Variants in CACNA1A observed in about 807,000 individuals in gnomAD.
The protein encoded by CACNA1A is calcium voltage-gated channel subunit alpha1 A, also known as voltage-dependent P/Q-type calcium channel subunit alpha-1A.
A neutral mutation model predicts 262.4 loss-of-function variants in CACNA1A; 57 were observed. The observed-to-expected ratio is 0.22, with a 90% CI of 0.18 to 0.27. The LOEUF (loss-of-function observed/expected upper bound fraction) is 0.27. CACNA1A is among the 10% of genes least tolerant of loss of function. CACNA1A has a pLI of 1.00. For synonymous variants in CACNA1A, 1,431 were observed against 1,419.3 expected (o/e 1.01, Z -0.18); for missense variants, 2,526 against 3,562.8 (o/e 0.71, Z 7.41).
chr19:13,275,553 G>A (rs2057125008), intron 24 of CACNA1A: 11 of 430,248 alleles, frequency 2.6e-5, no homozygotes, highest in South Asian at 7.4e-5. Flanking sequence ...GAGATGTTCC[G>A]GCGAGGCTAG....
At chr19:13,488,997 TCTTTTC>T (rs1568698289) in intron 1 of CACNA1A, among the ~76,000 whole-genome samples, 92 of 143,398 alleles carry the variant, frequency 6.4e-4, no homozygotes, top group African/African-American at 2.5e-3. Context: ...TAATTTCTTT[TCTTTTC>T]TTTTTTTTTT....
intron 5 of CACNA1A, chr19:13,363,803 G>C (rs537079603): frequency 6.6e-6 from 1 of 152,324 alleles, no homozygotes; most frequent in South Asian, 2.1e-4. Flanking sequence ...CAGCTCCCTT[G>C]ACCCAAATCA....
At chr19:13,392,085 T>G (rs1445524578) in intron 3 of CACNA1A, among the ~76,000 whole-genome samples, 6 of 150,110 alleles carry the variant, frequency 4.0e-5, no homozygotes, top group African/African-American at 1.5e-4. Context: ...ACGTTGCATG[T>G]CTGTGGTCCC....
intron 3 of CACNA1A, among the ~76,000 whole-genome samples, chr19:13,412,078 GAT>G (rs1356460780): frequency 6.6e-6 from 1 of 151,910 alleles, no homozygotes; most frequent in Non-Finnish European, 1.5e-5. Flanking sequence ...AGTCAACACA[GAT>G]AGTGAAACCA....
Position 13,207,076 on chromosome 19 carries a change from T to G in CACNA1A, c.*237A>C. 1.1e-5 allele frequency: 3 copies of G among 273,448 alleles called. No individual in the cohort carries two copies. The highest frequency in any genetic ancestry group is 2.0e-5 in the Non-Finnish European group (3 of 147,928). 16.9% of individuals were successfully genotyped at this position (273,448 alleles called of 1,614,324 possible). A position where few individuals can be genotyped will look rare whatever the true frequency, so the allele number is the denominator to read the frequency against. On this transcript the variant is annotated 3_prime_UTR_variant, in exon 47 of 47. Transcript: ENST00000360228. The surrounding 1 kb of genome is among the most constrained non-coding windows in gnomAD (Gnocchi z 5.7). ...CCCACCCGAGAGCCCCTGTCGTGGG[T>G]GGGGGGATCGGGGCTGGTTGGGGGG...
Position 13,283,305 on chromosome 19 carries a change from C to T in CACNA1A, c.3784G>A (p.Ala1262Thr), listed in dbSNP as rs776503550. 7 of 1,613,936 alleles carry T rather than the reference C, an allele frequency of 4.3e-6. No homozygotes were observed. The highest frequency in any genetic ancestry group is 1.7e-5 in the Admixed American group (1 of 60,020). ...GCGTTGGGCTGCACAGGGTCCTCGG[C>T]GGCCAGGGCGATGCTGCTCATGGCA... ...VIAMSSIALA[A>T]EDPVQPNAPR... Residue 1262 changes from alanine to threonine, a missense_variant, in exon 22 of 47, where the codon GCC (alanine) becomes ACC (threonine). By Grantham distance (58) the Ala-to-Thr change is moderately conservative. Transcript: ENST00000360228.
rs1003874380 is a variant in CACNA1A, at chr19:13,241,379, C to T, written c.4950+3803G>A. 32 of 701,156 alleles carry T rather than the reference C, an allele frequency of 4.6e-5. No individual in the cohort carries two copies. The Admixed American group carries it at 5.8e-4, about 13-fold the overall frequency. The allele number at this position is 701,156 out of a possible 1,614,324, so 43.4% of individuals were successfully genotyped here. On this transcript the variant is annotated intron_variant, in intron 31 of 46. Transcript: ENST00000360228. This position sits in a 1 kb window ranked among gnomAD's most constrained non-coding sequence, Gnocchi z 4.0. Reference sequence around the variant, plus strand: ...CAGGGGCTGGGGGCGGGAGGACAGACAGACAGAGGAGAGCGGAGGGTTGAG... The same window carrying T: ...CAGGGGCTGGGGGCGGGAGGACAGATAGACAGAGGAGAGCGGAGGGTTGAG...
chr19:13,482,429 G>C (rs1478715020), intron 1 of CACNA1A, among the ~76,000 whole-genome samples: 1 of 151,480 alleles, frequency 6.6e-6, no homozygotes, highest in African/African-American at 2.4e-5. Context: ...CTTCCAGTGA[G>C]CCGAGATCGT....
chr19:13,325,047 C>CTCTTCCCCTTCCCCTTCCTCCTCTTCT, intron 10 of CACNA1A, among the ~76,000 whole-genome samples: 1 of 150,416 alleles, frequency 6.6e-6, no homozygotes, highest in African/African-American at 2.5e-5. Context: ...CTTCTTCTTC[C>CTCTTCCCCTTCCCCTTCCTCCTCTTCT]TCTTCCCCTT....
intron 19 of CACNA1A, among the ~76,000 whole-genome samples, chr19:13,298,145 T>C (rs1403420446): frequency 2.0e-5 from 3 of 147,094 alleles, no homozygotes; most frequent in Non-Finnish European, 4.5e-5. Flanking sequence ...TTTTTTTTTT[T>C]TTTGAGACAG....
rs1325806962 is a variant in CACNA1A, at chr19:13,346,639, TATATATATATATATATATATATATA to T, written c.979-10755_979-10731del. ...GATTATATATATATATATATATATA[TATATATATATATATATATATATATA>T]TATTTTTTTTTTTTTTTTTTTTTTT... is the stretch of plus-strand genomic sequence containing the variant. On this transcript the variant is annotated intron_variant, in intron 6 of 46. Coordinates refer to ENST00000360228, the MANE Select transcript of CACNA1A (RefSeq NM_001127222.2). 4.1e-3 allele frequency among the ~76,000 whole-genome samples: 36 copies of T among 8,844 alleles called. 1 individual carries two copies. The highest frequency in any genetic ancestry group is 4.7e-3 in the Non-Finnish European group (21 of 4,462). The allele number at this position is 8,844 out of a possible 152,430, so 5.8% of individuals were successfully genotyped here.
At chr19:13,246,011 C>T (rs1222716377) in intron 30 of CACNA1A, among the ~76,000 whole-genome samples, 2 of 152,194 alleles carry the variant, frequency 1.3e-5, no homozygotes, top group African/African-American at 4.8e-5. Context: ...ACTCATCTGC[C>T]TGAGGCTAGC....
chr19:13,209,203 C>T (rs2144504392), intron 45 of CACNA1A, 109 bp downstream of exon 45: 4 of 1,348,274 alleles, frequency 3.0e-6, no homozygotes, highest in East Asian at 5.0e-5. Flanking sequence ...GTCCCCTCTC[C>T]ATGGAGGCCT....
chr19:13,360,472 G>C (rs1000372703), intron 5 of CACNA1A, among the ~76,000 whole-genome samples: 1 of 140,306 alleles, frequency 7.1e-6, no homozygotes, highest in African/African-American at 2.8e-5. Flanking sequence ...CTTGCCACTA[G>C]AATTTTTTTT....
chr19:13,485,490 T>C (rs1047529479), intron 1 of CACNA1A, among the ~76,000 whole-genome samples: 4 of 152,096 alleles, frequency 2.6e-5, no homozygotes, highest in Admixed American at 2.6e-4. Context: ...GAAGAATCAG[T>C]TTCCAGGCTA....
At chr19:13,278,627 C>G (rs190320501) in intron 22 of CACNA1A, among the ~76,000 whole-genome samples, 107 of 152,314 alleles carry the variant, frequency 7.0e-4, no homozygotes, top group Non-Finnish European at 7.3e-5. Context: ...CCATCTCCCC[C>G]ACCCAAATGT....
At position 13,334,390 on chromosome 19, in the gene CACNA1A, T is replaced by G; in HGVS notation, c.1186A>C (p.Ile396Leu). Residue 396 changes from isoleucine (I) to leucine (L), a missense_variant, in exon 8 of 47, where the codon ATC becomes CTC. Around this residue, in one of 17 missense-constraint regions of CACNA1A, gnomAD observed 104 missense variants for 127.6 expected, o/e 0.81. Coordinates refer to ENST00000360228, the MANE Select transcript of CACNA1A (RefSeq NM_001127222.2). ...ERELNGYMEW[I>L]SKAEEVILAE... ...GAAAGGGCCTCACCTGCTTTTGAGATCCACTCCATGTACCCATTGAGCTCA... is the reference window on the plus strand; with the variant it reads ...GAAAGGGCCTCACCTGCTTTTGAGAGCCACTCCATGTACCCATTGAGCTCA... 1 of 1,576,864 alleles carries G rather than the reference T, an allele frequency of 6.3e-7. No homozygotes were observed. Among genetic ancestry groups the G allele is most frequent in the Non-Finnish European group, 8.7e-7 (1 of 1,146,046 alleles).
Position 13,216,917 on chromosome 19 carries a change from G to A in CACNA1A, c.5732-2309C>T, listed in dbSNP as rs537178880. Among the ~76,000 whole-genome samples the A allele has an allele frequency of 1.7e-4, 26 of 152,246 alleles. 2 individuals are homozygous for A. The highest frequency in any genetic ancestry group is 6.3e-4 in the African/African-American group (26 of 41,546). On this transcript the variant is annotated intron_variant, in intron 38 of 46. Coordinates refer to ENST00000360228, the MANE Select transcript of CACNA1A (RefSeq NM_001127222.2). ...CTGCCCTCAATGCCTGGGGTGGGGGGCTTGAAAGAGGATAGGGTCCAGCCT... is the reference window on the plus strand; with the variant it reads ...CTGCCCTCAATGCCTGGGGTGGGGGACTTGAAAGAGGATAGGGTCCAGCCT...
chr19:13,422,317 T>A (rs2060329049), intron 3 of CACNA1A, among the ~76,000 whole-genome samples: 1 of 152,012 alleles, frequency 6.6e-6, no homozygotes, highest in Non-Finnish European at 1.5e-5. Flanking sequence ...TGAGACCACA[T>A]CTCAAAAAAG....
Sources: allele counts gnomAD v4.1 joint callset (sites outside exome capture counted in the v4.1 genomes callset), GRCh38; gene constraint gnomAD v4.1.1; regional missense constraint gnomAD v4.1.1; non-coding constraint Gnocchi (gnomAD v3.1); transcripts MANE v1.5; gene names NCBI Gene and HGNC (gene_info 2026-07-23, HGNC 2026-07-21).